SCN11A: variants seen among roughly 807,000 people sequenced by gnomAD.
SCN11A encodes sodium channel protein type 11 subunit alpha.
A neutral mutation model predicts 162.2 loss-of-function variants in SCN11A; 122 were observed. The ratio of observed to expected loss-of-function variants is 0.75; its 90% confidence interval spans 0.65 to 0.87. The LOEUF (loss-of-function observed/expected upper bound fraction) is 0.87. Ranked by LOEUF, SCN11A falls within the 40% of genes least tolerant of loss-of-function variation. The pLI, the probability that SCN11A is intolerant of heterozygous loss-of-function variation, is 0.00. For synonymous variants in SCN11A, 758 were observed against 751.5 expected, an observed-to-expected ratio of 1.01 and a Z score of -0.14; for missense variants, 2,015 against 2,181.6, an observed-to-expected ratio of 0.92 and a Z score of 1.52.
At chr3:38,914,520 C>A (rs1393320069) in intron 11 of SCN11A, among the ~76,000 whole-genome samples, 2 of 152,138 alleles carry the variant, frequency 1.3e-5, no homozygotes, top group African/African-American at 4.8e-5. Flanking sequence ...ACTCCCAATA[C>A]TATGTTGAAT....
At chr3:38,906,062 A>C (rs1221291988) in intron 14 of SCN11A, among the ~76,000 whole-genome samples, 1 of 152,168 alleles carries the variant, frequency 6.6e-6, no homozygotes, top group Admixed American at 6.5e-5. Flanking sequence ...TCTTTCTATG[A>C]GATCTCTCCC....
chr3:38,887,723 T>C (rs1185620956), intron 19 of SCN11A, among the ~76,000 whole-genome samples: 1 of 152,250 alleles, frequency 6.6e-6, no homozygotes, highest in African/African-American at 2.4e-5. Flanking sequence ...TTTCTTATCA[T>C]AATTTGTTAT....
intron 1 of SCN11A, among the ~76,000 whole-genome samples, chr3:39,047,022 C>T (rs2032198823): frequency 2.8e-5 from 3 of 108,014 alleles, no homozygotes; most frequent in South Asian, 3.8e-4. Context: ...CACACAGCCC[C>T]CCACCCCCCA....
At chr3:38,952,538 C>T (rs1398673020) in intron 4 of SCN11A, among the ~76,000 whole-genome samples, 2 of 152,238 alleles carry the variant, frequency 1.3e-5, no homozygotes, top group African/African-American at 4.8e-5. Flanking sequence ...TGAAGAAACA[C>T]AGTCCCTGGT....
chr3:38,895,628 C>T (rs376906579), intron 18 of SCN11A, among the ~76,000 whole-genome samples: 3 of 152,162 alleles, frequency 2.0e-5, no homozygotes, highest in Non-Finnish European at 2.9e-5. Context: ...CTCTTCAGCT[C>T]GACAATAGAC....
At chr3:38,870,505 C>T (rs1429110701) in intron 26 of SCN11A, among the ~76,000 whole-genome samples, 186 bp downstream of exon 26, 1 of 152,212 alleles carries the variant, frequency 6.6e-6, no homozygotes, top group African/African-American at 2.4e-5. Context: ...GTATCAGATA[C>T]TCACTAGAGG....
intron 25 of SCN11A, among the ~76,000 whole-genome samples, chr3:38,871,051 G>C (rs1476936131): frequency 6.6e-6 from 1 of 152,198 alleles, no homozygotes; most frequent in Non-Finnish European, 1.5e-5. Flanking sequence ...AAGAGTTAAA[G>C]GGTTCTTTTC....
intron 11 of SCN11A, among the ~76,000 whole-genome samples, chr3:38,913,022 G>C (rs758126156): frequency 5.6e-4 from 85 of 151,942 alleles, no homozygotes; most frequent in Middle Eastern, 3.4e-3. Flanking sequence ...GATGAATCCA[G>C]CAACAGTAGT....
At chr3:38,939,772 G>T (rs903064334) in intron 7 of SCN11A, among the ~76,000 whole-genome samples, 8 of 151,808 alleles carry the variant, frequency 5.3e-5, no homozygotes, top group Non-Finnish European at 1.2e-4. Context: ...GTGTGGTGGC[G>T]CATGCCTGTA....
intron 28 of SCN11A, among the ~76,000 whole-genome samples, chr3:38,851,081 G>A (rs2064771630): frequency 6.6e-6 from 1 of 152,136 alleles, no homozygotes; most frequent in South Asian, 2.1e-4. Context: ...AACAGTGCAT[G>A]TTGGATTTAA....
At chr3:39,042,272 A>T (rs2032065808) in intron 1 of SCN11A, among the ~76,000 whole-genome samples, 1 of 152,214 alleles carries the variant, frequency 6.6e-6, no homozygotes, top group Non-Finnish European at 1.5e-5. Context: ...CCATCTCCAA[A>T]AAAACCCAAA....
At chr3:39,016,126 A>C (rs1250510316) in intron 2 of SCN11A, among the ~76,000 whole-genome samples, 1 of 152,204 alleles carries the variant, frequency 6.6e-6, no homozygotes, top group Non-Finnish European at 1.5e-5. Flanking sequence ...ATGTGGGTTA[A>C]AGTGAAGTCT....
At position 38,950,069 on chromosome 3, in the gene SCN11A, ACCCCCCCCCCCCG is replaced by A. The variant is rs2066582047; in HGVS notation, c.267+14_267+26del. On this transcript the variant is annotated intron_variant, in intron 5 of 29. Coordinates refer to ENST00000302328, the MANE Select transcript of SCN11A (RefSeq NM_001349253.2). ...GCATGGTTAGAACACCCCCACCCCCACCCCCCCCCCCCGCCCAATGAAGTACCTTATGATTTCG... is the reference window on the plus strand; with the variant it reads ...GCATGGTTAGAACACCCCCACCCCCACCCAATGAAGTACCTTATGATTTCG... The A allele has an allele frequency of 3.0e-5, 2 of 66,182 alleles. No homozygotes were observed. The highest frequency in any genetic ancestry group is 2.5e-4 in the South Asian group (1 of 4,048). 4.1% of individuals were successfully genotyped at this position (66,182 alleles called of 1,614,324 possible). A position where few individuals can be genotyped will look rare whatever the true frequency, so the allele number is the denominator to read the frequency against.
intron 2 of SCN11A, among the ~76,000 whole-genome samples, chr3:38,994,877 AG>A (rs1415328168): frequency 6.6e-6 from 1 of 152,102 alleles, no homozygotes. Flanking sequence ...TGCAGCTGAG[AG>A]GCTGCCAGAA....
intron 19 of SCN11A, among the ~76,000 whole-genome samples, chr3:38,893,365 G>A (rs948913237): frequency 6.6e-6 from 1 of 152,054 alleles, no homozygotes; most frequent in Non-Finnish European, 1.5e-5. Flanking sequence ...CAAAATATAT[G>A]AAATGAAAAT....
chr3:38,847,800 G>T (rs1575202153), intron 29 of SCN11A, 58 bp from the exon 30 acceptor site: 2 of 1,096,470 alleles, frequency 1.8e-6, no homozygotes, highest in East Asian at 2.5e-5. Flanking sequence ...TTCAGATCCA[G>T]CCTGTCTCCT....
rs13315594 is a variant in SCN11A at position 38,897,493 on chromosome 3, G to T, written c.2023-268C>A. Reference sequence around the variant, plus strand: ...GCACTTTGGGAGGCCAAGGCGGGTGGATCACAAGGTCAGGAGATTGAGACC... The same window carrying T: ...GCACTTTGGGAGGCCAAGGCGGGTGTATCACAAGGTCAGGAGATTGAGACC... On this transcript the variant is annotated intron_variant, in intron 17 of 29. Coordinates refer to ENST00000302328, the MANE Select transcript of SCN11A (RefSeq NM_001349253.2). 0.013 allele frequency among the ~76,000 whole-genome samples: 2,027 copies of T among 151,834 alleles called. 44 individuals are homozygous for T. Among genetic ancestry groups the T allele is most frequent in the African/African-American group, 0.045 (1,870 of 41,416 alleles).
At chr3:38,950,731 T>C (rs2066600150) in intron 4 of SCN11A, among the ~76,000 whole-genome samples, 1 of 152,148 alleles carries the variant, frequency 6.6e-6, no homozygotes, top group Admixed American at 6.5e-5. Flanking sequence ...TGAAGTGGGA[T>C]CTGCAAGTAG....
At chr3:38,946,145 G>C (rs2066513040) in intron 6 of SCN11A, among the ~76,000 whole-genome samples, 1 of 152,106 alleles carries the variant, frequency 6.6e-6, no homozygotes, top group African/African-American at 2.4e-5. Flanking sequence ...CAAACCCTAA[G>C]TTTTAAGAGC....
Sources: gnomAD v4.1 joint callset for allele counts (sites outside exome capture counted in the v4.1 genomes callset) on GRCh38, gnomAD v4.1.1 for gene constraint, MANE v1.5 for transcripts, NCBI Gene and HGNC (gene_info 2026-07-23, HGNC 2026-07-21) for gene names.